Variants in HSPA12A observed in about 807,000 individuals in gnomAD.
HSPA12A encodes the protein heat shock protein family A (Hsp70) member 12A, also known as heat shock 70 kDa protein 12A.
In HSPA12A, 28 loss-of-function variants were observed where a neutral mutation model predicts 69.2. The ratio of observed to expected loss-of-function variants is 0.40; its 90% CI spans 0.30 to 0.55. The LOEUF is 0.55. Among genes scored for constraint, HSPA12A ranks in the 20% least tolerant of loss-of-function variants. HSPA12A has a pLI of 0.38. For synonymous variants in HSPA12A, 345 were observed against 370.5 expected (o/e 0.93, Z 0.79); for missense variants, 686 against 900.7 (o/e 0.76, Z 3.05).
intron 1 of HSPA12A, among the ~76,000 whole-genome samples, chr10:116,709,182 C>A (rs1850349299): frequency 6.6e-6 from 1 of 152,196 alleles, no homozygotes; most frequent in African/African-American, 2.4e-5. Flanking sequence ...CGCGGTGGCT[C>A]ACGCCTATAA....
At chr10:116,719,814 C>T (rs1433434773) in intron 1 of HSPA12A, among the ~76,000 whole-genome samples, 1 of 152,164 alleles carries the variant, frequency 6.6e-6, no homozygotes, top group Non-Finnish European at 1.5e-5. Context: ...GGTTAAGCAT[C>T]TTCCCAAAAC....
chr10:116,774,102 C>T (rs1018141314), intron 2 of HSPA12A, among the ~76,000 whole-genome samples: 2 of 151,702 alleles, frequency 1.3e-5, no homozygotes, highest in Non-Finnish European at 2.9e-5. Context: ...CTCCGCCTCC[C>T]GGGTTCACGC....
intron 2 of HSPA12A, among the ~76,000 whole-genome samples, chr10:116,750,912 G>T (rs1554888284): frequency 6.6e-6 from 1 of 152,056 alleles, no homozygotes; most frequent in Non-Finnish European, 1.5e-5. Flanking sequence ...GGTCGAGGTT[G>T]CAGTGAGCTG....
intron 4 of HSPA12A, 49 bp downstream of exon 4, chr10:116,700,894 T>C (rs1850059421): frequency 1.3e-6 from 2 of 1,583,798 alleles, no homozygotes; most frequent in East Asian, 4.5e-5. Context: ...TGGAGGAAGC[T>C]TGGCACTCCA....
chr10:116,698,539 C>T (rs1317345830), intron 5 of HSPA12A, 96 bp downstream of exon 5: 2 of 903,562 alleles, frequency 2.2e-6, no homozygotes, highest in Non-Finnish European at 3.6e-6. Flanking sequence ...GCTGTGCCTC[C>T]TACCCTGGCC....
intron 2 of HSPA12A, chr10:116,831,133 G>A (rs1845605937): frequency 6.6e-6 from 1 of 152,166 alleles, no homozygotes; most frequent in Non-Finnish European, 1.5e-5. Flanking sequence ...GGGCTTAAAT[G>A]ATATAACAAG....
At chr10:116,793,193 G>C (rs1163100322) in intron 2 of HSPA12A, among the ~76,000 whole-genome samples, 2 of 152,198 alleles carry the variant, frequency 1.3e-5, no homozygotes, top group African/African-American at 2.4e-5. Context: ...CAAGTTTAAA[G>C]ATCTAAAATG....
intron 2 of HSPA12A, among the ~76,000 whole-genome samples, chr10:116,821,667 A>G (rs536964996): frequency 3.9e-5 from 6 of 152,372 alleles, no homozygotes; most frequent in African/African-American, 1.2e-4. Flanking sequence ...ATAGATGTGA[A>G]ATCATTATCT....
At chr10:116,757,023 GT>G (rs147587881) in intron 2 of HSPA12A, among the ~76,000 whole-genome samples, 3,782 of 152,224 alleles carry the variant, frequency 0.025, 71 homozygotes, top group Non-Finnish European at 0.039. Context: ...ACAGGTAATA[GT>G]ATTATATTCA....
chr10:116,766,250 G>T (rs1246102604), intron 2 of HSPA12A, among the ~76,000 whole-genome samples: 1 of 152,102 alleles, frequency 6.6e-6, no homozygotes, highest in African/African-American at 2.4e-5. Context: ...TGCTGGTTAG[G>T]ATGACCAATT....
chr10:116,839,619 A>AC (rs1194430788), intron 1 of HSPA12A, among the ~76,000 whole-genome samples: 3 of 151,814 alleles, frequency 2.0e-5, no homozygotes, highest in Non-Finnish European at 4.4e-5. Flanking sequence ...AAAAAAAAAA[A>AC]AAAAAAAAAA....
chr10:116,753,202 G>T (rs1417641064), intron 2 of HSPA12A, among the ~76,000 whole-genome samples: 2 of 152,206 alleles, frequency 1.3e-5, no homozygotes, highest in Non-Finnish European at 2.9e-5. Context: ...CCATGATCCT[G>T]CAGGGCAAAC....
At chr10:116,777,871 G>T (rs1237070819) in intron 2 of HSPA12A, among the ~76,000 whole-genome samples, 1 of 152,194 alleles carries the variant, frequency 6.6e-6, no homozygotes, top group East Asian at 1.9e-4. Flanking sequence ...GGGATTACAG[G>T]CATGTGCCAA....
chr10:116,839,183 G>C (rs1343059763), intron 1 of HSPA12A, among the ~76,000 whole-genome samples: 1 of 152,148 alleles, frequency 6.6e-6, no homozygotes, highest in African/African-American at 2.4e-5. Flanking sequence ...AATTAATATA[G>C]AGCTACTGGC....
chr10:116,716,568 GGCAGGCCAAGCAGTCATACGTGGGCT>G (rs1358273673), intron 1 of HSPA12A, among the ~76,000 whole-genome samples: 1 of 152,194 alleles, frequency 6.6e-6, no homozygotes, highest in Non-Finnish European at 1.5e-5. Context: ...GAGTGGAGGT[GGCAGGCCAAGCAGTCATACGTGGGCT>G]GCAGGCCAAG....
At chr10:116,773,083 G>T (rs1554890676) in intron 2 of HSPA12A, among the ~76,000 whole-genome samples, 3 of 152,098 alleles carry the variant, frequency 2.0e-5, no homozygotes, top group African/African-American at 7.2e-5. Context: ...TGAGCCAGGG[G>T]ACTTCCAAAC....
chr10:116,800,255 G>T (rs1351935830), intron 2 of HSPA12A, among the ~76,000 whole-genome samples: 1 of 152,164 alleles, frequency 6.6e-6, no homozygotes, highest in Non-Finnish European at 1.5e-5. Context: ...AGCCTTCTGT[G>T]GTGGCCCCAG....
intron 1 of HSPA12A, among the ~76,000 whole-genome samples, chr10:116,709,356 G>C (rs1034374573): frequency 6.6e-6 from 1 of 151,506 alleles, no homozygotes; most frequent in Non-Finnish European, 1.5e-5. Context: ...GCTGAGACAG[G>C]AGAATCATTT....
chr10:116,730,184 A>G (rs1322086606), intron 1 of HSPA12A, among the ~76,000 whole-genome samples: 1 of 152,228 alleles, frequency 6.6e-6, no homozygotes, highest in Non-Finnish European at 1.5e-5. Flanking sequence ...CTCCATCTCA[A>G]AATAATAATG....
Sources: gnomAD v4.1 joint callset for allele counts (sites outside exome capture counted in the v4.1 genomes callset) on GRCh38, gnomAD v4.1.1 for gene constraint, MANE v1.5 for transcripts, NCBI Gene and HGNC (gene_info 2026-07-23, HGNC 2026-07-21) for gene names.